Variants in PCDH15 observed in about 807,000 individuals in gnomAD.
PCDH15 encodes the protein protocadherin-15.
PCDH15 carries 129 observed loss-of-function variants against 178.5 expected under a neutral mutation model. The observed-to-expected ratio is 0.72, with a 90% confidence interval of 0.63 to 0.84. The LOEUF is 0.84. Among genes scored for constraint, PCDH15 ranks in the 40% least tolerant of loss-of-function variants. The pLI is 0.00. For synonymous variants in PCDH15, 800 were observed against 732.0 expected, an observed-to-expected ratio of 1.09 and a Z score of -1.50; for missense variants, 2,230 against 2,099.9, an observed-to-expected ratio of 1.06 and a Z score of -1.21.
chr10:55,468,709 A>C, intron 2 of PCDH15, among the ~76,000 whole-genome samples: 1 of 152,208 alleles, frequency 6.6e-6, no homozygotes, highest in East Asian at 1.9e-4. Flanking sequence ...CCTGCTTTAA[A>C]AAATATTTGA....
chr10:55,425,026 G>T (rs762424893), intron 2 of PCDH15, among the ~76,000 whole-genome samples: 9 of 151,670 alleles, frequency 5.9e-5, no homozygotes, highest in Non-Finnish European at 8.8e-5. Flanking sequence ...AAAGTATTAA[G>T]GGGATATTAT....
intron 2 of PCDH15, among the ~76,000 whole-genome samples, chr10:55,597,547 T>C (rs1005974455): frequency 7.2e-5 from 11 of 152,316 alleles, no homozygotes; most frequent in African/African-American, 1.4e-4. Context: ...TAAAATCTCC[T>C]ATTTATATGT....
chr10:53,877,619 T>G (rs1249193897), intron 26 of PCDH15, among the ~76,000 whole-genome samples: 1 of 152,224 alleles, frequency 6.6e-6, no homozygotes, highest in Non-Finnish European at 1.5e-5. Context: ...CAAATTCAGC[T>G]GCTGCTTCTT....
chr10:54,195,753 G>T lies in PCDH15; in HGVS notation c.1235C>A (p.Ala412Glu), dbSNP rs970867980. The part of the protein sequence containing the change: ...GYILESAPVG[A>E]TISDSLNLTS... ...CAAATTGAGACTGTCCGAAATGGTTGCTCCCACTGGGGCAGATTCCAGGAT... is the reference window on the plus strand; with the variant it reads ...CAAATTGAGACTGTCCGAAATGGTTTCTCCCACTGGGGCAGATTCCAGGAT... The change falls in exon 11 of 38, where the codon GCA becomes GAA. Residue 412 changes from alanine to glutamate, a missense_variant. By Grantham distance (107) the Ala-to-Glu change is moderately radical (BLOSUM62 -1). Transcript: ENST00000644397. The T allele has an allele frequency of 1.9e-6, 3 of 1,613,994 alleles. No individual in the cohort carries two copies. Among genetic ancestry groups the T allele is most frequent in the African/African-American group, 2.7e-5 (2 of 74,922 alleles).
At chr10:54,861,294 T>C (rs1953838347) in intron 3 of PCDH15, among the ~76,000 whole-genome samples, 1 of 152,112 alleles carries the variant, frequency 6.6e-6, no homozygotes, top group Non-Finnish European at 1.5e-5. Flanking sequence ...TAACATTACA[T>C]CTGATCCCCA....
intron 2 of PCDH15, among the ~76,000 whole-genome samples, chr10:55,400,883 A>G (rs1254154022): frequency 6.6e-6 from 1 of 152,060 alleles, no homozygotes; most frequent in African/African-American, 2.4e-5. Context: ...TCACTCTAAA[A>G]TCCAGATATT....
chr10:54,571,592 T>G (rs2089852129), intron 2 of PCDH15, among the ~76,000 whole-genome samples: 1 of 152,070 alleles, frequency 6.6e-6, no homozygotes, highest in South Asian at 2.1e-4. Flanking sequence ...ATATTGAGCT[T>G]AAAACATATG....
At chr10:54,314,238 C>T (rs35917893) in intron 8 of PCDH15, among the ~76,000 whole-genome samples, 10,529 of 151,760 alleles carry the variant, frequency 0.069, 464 homozygotes, top group African/African-American at 0.12. Flanking sequence ...TTTGTTTCAG[C>T]ATATTTGTTT....
Position 53,823,365 on chromosome 10 carries a change from A to G in PCDH15, c.4368-3135T>C, listed in dbSNP as rs1252455330. Reference sequence around the variant, plus strand: ...ATGGTAGAGAAGGAAAAGACTTGAAAGAAAAGAAGATAATGAAATGTAAGG... The same window carrying G: ...ATGGTAGAGAAGGAAAAGACTTGAAGGAAAAGAAGATAATGAAATGTAAGG... On this transcript the variant is annotated intron_variant, in intron 32 of 37. Transcript: ENST00000644397. The G allele has an allele frequency of 1.2e-6, 2 of 1,609,808 alleles. No individual in the cohort carries two copies. Among genetic ancestry groups the G allele is most frequent in the African/African-American group, 1.3e-5 (1 of 74,842 alleles).
chr10:55,075,347 G>A (rs1048257526), intron 2 of PCDH15, among the ~76,000 whole-genome samples: 2 of 149,216 alleles, frequency 1.3e-5, no homozygotes, highest in African/African-American at 4.9e-5. Flanking sequence ...CTCTATAACA[G>A]ATTATCAATT....
intron 2 of PCDH15, among the ~76,000 whole-genome samples, chr10:55,345,807 T>C (rs1162772545): frequency 6.6e-6 from 1 of 152,082 alleles, no homozygotes; most frequent in Non-Finnish European, 1.5e-5. Context: ...TTTGAGAGGA[T>C]TTTTTTCAAG....
intron 6 of PCDH15, among the ~76,000 whole-genome samples, chr10:54,337,949 T>C (rs1318573885): frequency 1.3e-5 from 2 of 152,220 alleles, no homozygotes; most frequent in Non-Finnish European, 2.9e-5. Context: ...TTGAAAACTG[T>C]TCACTGAAAT....
chr10:54,172,634 A>C (rs1247122997), intron 13 of PCDH15, among the ~76,000 whole-genome samples: 1 of 152,246 alleles, frequency 6.6e-6, no homozygotes, highest in Non-Finnish European at 1.5e-5. Context: ...AAAATAGTAT[A>C]AAATATATTG....
intron 2 of PCDH15, among the ~76,000 whole-genome samples, chr10:55,467,764 G>GA (rs1839862510): frequency 6.6e-6 from 1 of 151,640 alleles, no homozygotes; most frequent in African/African-American, 2.4e-5. Context: ...AGGAGATCGA[G>GA]ATCATCCTCG....
At chr10:55,032,323 G>A (rs918895321) in intron 2 of PCDH15, among the ~76,000 whole-genome samples, 17 of 152,182 alleles carry the variant, frequency 1.1e-4, no homozygotes, top group Middle Eastern at 3.2e-3. Context: ...GACTAATCAG[G>A]ATATCTGACA....
chr10:54,882,036 C>A (rs7909587), intron 3 of PCDH15, among the ~76,000 whole-genome samples: 6 of 151,916 alleles, frequency 3.9e-5, no homozygotes, highest in East Asian at 1.9e-4. Flanking sequence ...CAGAAGAGTG[C>A]CTGGTTCCTA....
intron 32 of PCDH15, among the ~76,000 whole-genome samples, chr10:53,826,393 T>G (rs1403835010): frequency 6.6e-6 from 1 of 151,772 alleles, no homozygotes; most frequent in African/African-American, 2.4e-5. Flanking sequence ...AACCAGCTTT[T>G]CCATTACCAG....
rs1841219613 is a variant in PCDH15 at position 53,807,035 on chromosome 10, A to G, written c.4767T>C (p.Arg1589=). 2.5e-6 allele frequency: 4 copies of G among 1,613,656 alleles called. No individual in the cohort carries two copies. The highest frequency in any genetic ancestry group is 3.4e-6 in the Non-Finnish European group (4 of 1,179,776). ...EDSAPECQRN[R]LHHPSIHSNI... ...TACTGTGGATACTAGGATGGTGAAG[A>G]CGGTTTCTCTGACATTCAGGAGCAC... The change falls in exon 38 of 38, where the codon CGT becomes CGC. Residue 1589 remains arginine, a synonymous_variant. Coordinates refer to ENST00000644397, the MANE Select transcript of PCDH15 (RefSeq NM_001384140.1).
Position 54,391,552 on chromosome 10 carries a change from GACAA to G in PCDH15, c.158-12614_158-12611del, listed in dbSNP as rs753837941. 1.2e-3 allele frequency among the ~76,000 whole-genome samples: 181 copies of G among 149,630 alleles called. 1 individual carries two copies. The highest frequency in any genetic ancestry group is 3.5e-3 in the Middle Eastern group (1 of 286). ...ACTATAAGAGGTAATGTCATACACT[GACAA>G]ACAAGGAATACAGAAGAAAAATTTC... is the stretch of plus-strand genomic sequence containing the variant. On this transcript the variant is annotated intron_variant, in intron 3 of 37. Transcript: ENST00000644397.
Sources: gnomAD v4.1 joint callset for allele counts (sites outside exome capture counted in the v4.1 genomes callset) on GRCh38, gnomAD v4.1.1 for gene constraint, MANE v1.5 for transcripts, NCBI Gene and HGNC (gene_info 2026-07-23, HGNC 2026-07-21) for gene names.